Variants in LDLRAD4 observed in about 807,000 individuals in gnomAD.
LDLRAD4 encodes low-density lipoprotein receptor class A domain-containing protein 4.
LDLRAD4 carries 5 observed loss-of-function variants against 17.0 expected under a neutral mutation model. The ratio of observed to expected loss-of-function variants is 0.29; its 90% CI spans 0.15 to 0.62. LDLRAD4 has a LOEUF of 0.62. LDLRAD4 is among the 20% of genes least tolerant of loss of function. The pLI, the probability that LDLRAD4 is intolerant of heterozygous loss-of-function variation, is 0.84. For synonymous variants in LDLRAD4, 168 were observed against 171.8 expected (o/e 0.98, Z 0.17); for missense variants, 340 against 424.7 (o/e 0.80, Z 1.75).
chr18:13,431,154 A>G (rs912247653), intron 2 of LDLRAD4, among the ~76,000 whole-genome samples: 1 of 152,256 alleles, frequency 6.6e-6, no homozygotes, highest in African/African-American at 2.4e-5. Flanking sequence ...TAAAATCCAC[A>G]AGAAACTTGA....
intron 1 of LDLRAD4, among the ~76,000 whole-genome samples, chr18:13,334,240 A>C (rs2081999272): frequency 6.7e-6 from 1 of 150,362 alleles, no homozygotes. Context: ...TACCTTTTTT[A>C]TTTCTTTTTT....
chr18:13,385,955 G>A (rs1332635153), intron 1 of LDLRAD4, among the ~76,000 whole-genome samples: 1 of 152,146 alleles, frequency 6.6e-6, no homozygotes, highest in Non-Finnish European at 1.5e-5. Context: ...GATACATGAA[G>A]GTAATAGAAT....
chr18:13,443,390 C>T, intron 3 of LDLRAD4, among the ~76,000 whole-genome samples: 1 of 152,140 alleles, frequency 6.6e-6, no homozygotes, highest in Non-Finnish European at 1.5e-5. Context: ...AACCACATAG[C>T]CACATAGGTA....
intron 3 of LDLRAD4, among the ~76,000 whole-genome samples, chr18:13,525,815 C>A (rs546985836): frequency 6.6e-6 from 1 of 152,180 alleles, no homozygotes; most frequent in Non-Finnish European, 1.5e-5. Context: ...CTCTAGGGGG[C>A]GGAATGACCA....
chr18:13,304,468 G>A (rs1373090386), intron 1 of LDLRAD4, among the ~76,000 whole-genome samples: 5 of 152,148 alleles, frequency 3.3e-5, no homozygotes, highest in African/African-American at 1.2e-4. Context: ...GAATGGTCTC[G>A]TGCAGCAGGG....
chr18:13,287,208 T>C (rs1438055108), intron 1 of LDLRAD4, among the ~76,000 whole-genome samples: 1 of 152,132 alleles, frequency 6.6e-6, no homozygotes, highest in African/African-American at 2.4e-5. Context: ...TCTGCAAATA[T>C]CTTAGTATAT....
In LDLRAD4 at chr18:13,288,815, A is replaced by G. The variant is rs553236219; in HGVS notation, c.-383+10627A>G. Among the ~76,000 whole-genome samples the G allele has an allele frequency of 5.7e-5, 7 of 121,802 alleles. 1 individual carries two copies. The highest frequency in any genetic ancestry group is 4.2e-4 in the Admixed American group (5 of 11,806). The allele number at this position is 121,802 out of a possible 152,430, so 79.9% of individuals were successfully genotyped here. On this transcript the variant is annotated intron_variant, in intron 1 of 5. Transcript: ENST00000359446. The stretch of plus-strand genomic sequence containing the variant: ...ACTCTGCAAGGTGAGTCACGGGGCC[A>G]CGGTAGCAGCCCCACAGACCATGGC...
In LDLRAD4 at chr18:13,641,809, G is replaced by C; in HGVS notation, c.337-1550G>C. The stretch of plus-strand genomic sequence containing the variant: ...TGGACGGCGGCTCCTGTGGGCACTT[G>C]GCCGGGTTTGCTGGTTTTTCGGGAA... On this transcript the variant is annotated intron_variant, in intron 4 of 5. Transcript: ENST00000359446. The C allele has an allele frequency of 3.0e-6, 3 of 985,732 alleles. No homozygotes were observed. The South Asian group carries it at 1.4e-4, about 46-fold the overall frequency. 61.1% of individuals were successfully genotyped at this position (985,732 alleles called of 1,614,324 possible).
intron 2 of LDLRAD4, among the ~76,000 whole-genome samples, chr18:13,407,281 A>G (rs1359100776): frequency 6.6e-6 from 1 of 152,152 alleles, no homozygotes; most frequent in African/African-American, 2.4e-5. Flanking sequence ...TTATTATTAG[A>G]GACATAAAAG....
intron 1 of LDLRAD4, among the ~76,000 whole-genome samples, chr18:13,347,183 T>C (rs1365348188): frequency 6.6e-6 from 1 of 152,252 alleles, no homozygotes; most frequent in African/African-American, 2.4e-5. Flanking sequence ...TCTTTATAAT[T>C]TGGCATGTTT....
intron 1 of LDLRAD4, among the ~76,000 whole-genome samples, chr18:13,347,069 A>G (rs2082735248): frequency 6.6e-6 from 1 of 152,110 alleles, no homozygotes; most frequent in Non-Finnish European, 1.5e-5. Flanking sequence ...TAGTTCATTT[A>G]CATTTAAGGT....
intron 1 of LDLRAD4, among the ~76,000 whole-genome samples, chr18:13,378,357 G>A (rs2085083555): frequency 1.3e-5 from 2 of 152,160 alleles, no homozygotes; most frequent in South Asian, 4.1e-4. Flanking sequence ...CTACTTGTCA[G>A]AAGGGTGGTT....
chr18:13,291,633 C>T (rs1346963860), intron 1 of LDLRAD4, among the ~76,000 whole-genome samples: 1 of 152,044 alleles, frequency 6.6e-6, no homozygotes, highest in Non-Finnish European at 1.5e-5. Flanking sequence ...CTGAGTTACC[C>T]CAAAGCCACA....
intron 3 of LDLRAD4, among the ~76,000 whole-genome samples, chr18:13,593,338 A>G (rs2095051491): frequency 6.6e-6 from 1 of 152,142 alleles, no homozygotes; most frequent in Non-Finnish European, 1.5e-5. Context: ...AAAAACAAAA[A>G]CAGTCTTGTT....
At chr18:13,431,479 G>A (rs539110950) in intron 2 of LDLRAD4, among the ~76,000 whole-genome samples, 1 of 152,344 alleles carries the variant, frequency 6.6e-6, no homozygotes, top group Non-Finnish European at 1.5e-5. Flanking sequence ...GCCAGGTGGT[G>A]TTTTGATGGA....
chr18:13,594,895 G>C (rs1601608359), intron 3 of LDLRAD4, among the ~76,000 whole-genome samples: 1 of 152,014 alleles, frequency 6.6e-6, no homozygotes, highest in East Asian at 1.9e-4. Context: ...AAGTTTTAAA[G>C]TTACTAATTC....
intron 3 of LDLRAD4, among the ~76,000 whole-genome samples, chr18:13,496,729 G>A (rs764583362): frequency 1.3e-4 from 19 of 147,634 alleles, no homozygotes; most frequent in Non-Finnish European, 2.4e-4. Flanking sequence ...GGATTGGGAG[G>A]TGGGAGGGAA....
chr18:13,370,104 G>T (rs1341771544), intron 1 of LDLRAD4, among the ~76,000 whole-genome samples: 1 of 152,266 alleles, frequency 6.6e-6, no homozygotes, highest in Non-Finnish European at 1.5e-5. Context: ...ACAGGGAGCT[G>T]TGTCCATAGC....
At chr18:13,306,107 C>T (rs1599276937) in intron 1 of LDLRAD4, among the ~76,000 whole-genome samples, 1 of 152,008 alleles carries the variant, frequency 6.6e-6, no homozygotes, top group Non-Finnish European at 1.5e-5. Flanking sequence ...ATATCTGCCT[C>T]TATAGGTTTA....
Sources: allele counts gnomAD v4.1 joint callset (sites outside exome capture counted in the v4.1 genomes callset), GRCh38; gene constraint gnomAD v4.1.1; transcripts MANE v1.5; gene names NCBI Gene and HGNC (gene_info 2026-07-23, HGNC 2026-07-21).